Variants in PCDHA4 observed in about 807,000 individuals in gnomAD.
PCDHA4 encodes protocadherin alpha 4.
A neutral mutation model predicts 61.4 loss-of-function variants in PCDHA4; 49 were observed. That is an observed-to-expected ratio of 0.80 (90% CI 0.63 to 1.01). The LOEUF is 1.01. Ranked by LOEUF, PCDHA4 falls within the 50% of genes least tolerant of loss-of-function variation. The pLI is 0.00. For synonymous variants in PCDHA4, 590 were observed against 550.3 expected (o/e 1.07, Z -1.01); for missense variants, 1,254 against 1,235.8 (o/e 1.01, Z -0.22).
intron 1 of PCDHA4, chr5:140,830,035 G>T (rs2150180061): frequency 1.2e-6 from 2 of 1,613,880 alleles, no homozygotes; most frequent in South Asian, 2.2e-5. Flanking sequence ...ACCGGCTGCT[G>T]GTGCTGGTGA....
At chr5:140,917,238 G>A (rs144302098) in intron 1 of PCDHA4, among the ~76,000 whole-genome samples, 1 of 150,440 alleles carries the variant, frequency 6.6e-6, no homozygotes, top group Non-Finnish European at 1.5e-5. Flanking sequence ...TTAAATCTAG[G>A]TACTACGATT....
Position 140,809,517 on chromosome 5 carries a change from C to T in PCDHA4, c.2330C>T (p.Pro777Leu). The change falls in exon 1 of 4, where the codon CCT becomes CTT. Residue 777 changes from proline to leucine, a missense_variant. Pro to Leu is a moderately conservative substitution (Grantham distance 98, BLOSUM62 -3). Coordinates refer to ENST00000530339, the MANE Select transcript of PCDHA4 (RefSeq NM_018907.4). Reference protein sequence around the residue: ...TDLMAFSPSLPDSRDREDQLQ... With the variant: ...TDLMAFSPSLLDSRDREDQLQ... ...CTCATGGCCTTCAGCCCCAGTTTAC[C>T]TGACTCTAGGGACAGAGAAGATCAG... 1 of 1,614,190 alleles carries T rather than the reference C, an allele frequency of 6.2e-7. No homozygotes were observed. Among genetic ancestry groups the T allele is most frequent in the African/African-American group, 1.3e-5 (1 of 75,070 alleles).
intron 1 of PCDHA4, chr5:140,881,374 G>A: frequency 3.0e-6 from 3 of 984,938 alleles, no homozygotes; most frequent in Non-Finnish European, 3.6e-6. Flanking sequence ...ATGAATTGCA[G>A]CCGGCGGCGG....
Position 140,848,772 on chromosome 5 carries a change from G to A in PCDHA4, c.2385+39200G>A, listed in dbSNP as rs2150420106. ...GTTTGTGAATTCTCGGATCGACCGCGAGGAGCTGTGCGGGCGGAGCGCGGA... is the reference window on the plus strand; with the variant it reads ...GTTTGTGAATTCTCGGATCGACCGCAAGGAGCTGTGCGGGCGGAGCGCGGA... On this transcript the variant is annotated intron_variant, in intron 1 of 3. Coordinates refer to ENST00000530339, the MANE Select transcript of PCDHA4 (RefSeq NM_018907.4). 12 of 1,593,594 alleles carry A rather than the reference G, an allele frequency of 7.5e-6. 2 individuals carry two copies. Among genetic ancestry groups the A allele is most frequent in the Non-Finnish European group, 1.0e-5 (12 of 1,164,190 alleles).
intron 1 of PCDHA4, chr5:140,829,828 G>C: frequency 6.2e-7 from 1 of 1,613,938 alleles, no homozygotes; most frequent in Non-Finnish European, 8.5e-7. Flanking sequence ...CAGTGAGCGA[G>C]CTGGTGCCGC....
chr5:140,976,413 C>T (rs560298731), intron 1 of PCDHA4, among the ~76,000 whole-genome samples: 2 of 151,978 alleles, frequency 1.3e-5, no homozygotes, highest in African/African-American at 4.8e-5. Flanking sequence ...TAGCCAGGTA[C>T]GGTGGCAGAT....
At chr5:140,969,236 G>A (rs782453054) in intron 1 of PCDHA4, 5 of 1,614,052 alleles carry the variant, frequency 3.1e-6, no homozygotes, top group Non-Finnish European at 4.2e-6. Flanking sequence ...GGGAGCCCAA[G>A]CAGCAGTGAC....
In PCDHA4 at chr5:140,847,559, GC is replaced by G. The variant is rs150732093; in HGVS notation, c.2385+37991del. 4.7e-5 allele frequency: 7 copies of G among 149,276 alleles called. No individual in the cohort carries two copies. In the East Asian group the frequency reaches 1.4e-3, roughly 29 times the overall value. The allele number at this position is 149,276 out of a possible 1,614,324, so 9.2% of individuals were successfully genotyped here. A position where few individuals can be genotyped will look rare whatever the true frequency, so the allele number is the denominator to read the frequency against. On this transcript the variant is annotated intron_variant, in intron 1 of 3. Coordinates refer to ENST00000530339, the MANE Select transcript of PCDHA4 (RefSeq NM_018907.4). ...AAGCATAGCTTTAAAAACAGAAATT[GC>G]CCCGAGTACTAAGGATGAGCAATAA...
chr5:140,828,490 C>T (rs1338028540), intron 1 of PCDHA4: 1 of 1,614,054 alleles, frequency 6.2e-7, no homozygotes, highest in Non-Finnish European at 8.5e-7. Context: ...CGCCCTTGTT[C>T]CCGGTAGAGG....
At chr5:140,822,634 G>A (rs2150117957) in intron 1 of PCDHA4, 25 of 1,610,648 alleles carry the variant, frequency 1.6e-5, no homozygotes, top group Non-Finnish European at 2.1e-5. Flanking sequence ...TGTTCTTGAC[G>A]ATGTAAAGTC....
rs199902550 is a variant in PCDHA4 at position 140,965,368 on chromosome 5, A to C, written c.2386-13581A>C. On this transcript the variant is annotated intron_variant, in intron 1 of 3. Transcript: ENST00000530339. ...TTGCCTCTATAGCAGTACAAGAGGAAACTTGGGGACACAGAAGAACAGAAG... is the reference window on the plus strand; with the variant it reads ...TTGCCTCTATAGCAGTACAAGAGGACACTTGGGGACACAGAAGAACAGAAG... 8.5e-5 allele frequency among the ~76,000 whole-genome samples: 13 copies of C among 152,290 alleles called. No homozygotes were observed. The East Asian group carries it at 2.5e-3, about 29-fold the overall frequency.
At chr5:140,816,771 C>T in intron 1 of PCDHA4, 1 of 151,966 alleles carries the variant, frequency 6.6e-6, no homozygotes, top group Admixed American at 6.6e-5. Context: ...GTGTATAATT[C>T]CTAATTAGAG....
At position 140,850,659 on chromosome 5, in the gene PCDHA4, C is replaced by T. The variant is rs2150492526; in HGVS notation, c.2385+41087C>T. On this transcript the variant is annotated intron_variant, in intron 1 of 3. Coordinates refer to ENST00000530339, the MANE Select transcript of PCDHA4 (RefSeq NM_018907.4). ...CACGCTGCTGCTGTACACTGTGCTG[C>T]GGTGCTCGGCGATGCCCACCGAGGG... is the stretch of plus-strand genomic sequence containing the variant. 2.2e-5 allele frequency: 35 copies of T among 1,598,248 alleles called. No homozygotes were observed. The South Asian group carries it at 3.1e-4, about 14-fold the overall frequency.
At chr5:140,809,861 AT>A (rs1764556615) in intron 1 of PCDHA4, 1 of 287,800 alleles carries the variant, frequency 3.5e-6, no homozygotes, top group South Asian at 6.6e-5. Context: ...TTTAGAAAAC[AT>A]TTTACTATTA....
rs2086142013 is a variant in PCDHA4, at chr5:140,929,415, C to T, written c.2386-49534C>T. 11 of 1,504,150 alleles carry T rather than the reference C, an allele frequency of 7.3e-6. 1 individual carries two copies. In the South Asian group the frequency reaches 1.2e-4, roughly 17 times the overall value. 93.2% of individuals were successfully genotyped at this position (1,504,150 alleles called of 1,614,324 possible). A position where few individuals can be genotyped will look rare whatever the true frequency, so the allele number is the denominator to read the frequency against. On this transcript the variant is annotated intron_variant, in intron 1 of 3. Coordinates refer to ENST00000530339, the MANE Select transcript of PCDHA4 (RefSeq NM_018907.4). The stretch of plus-strand genomic sequence containing the variant: ...TATTTCTTAGACAAGCCTTTCACAA[C>T]ATTTCATCAATTGAACTAAACACTC...
At chr5:140,823,589 GGCTTTCGTATGA>G (rs1456644186) in intron 1 of PCDHA4, 1 of 1,613,884 alleles carries the variant, frequency 6.2e-7, no homozygotes, top group Non-Finnish European at 8.5e-7. Flanking sequence ...TACAACGCTT[GGCTTTCGTATGA>G]GCTGCAGCCA....
chr5:140,992,436 G>A (rs782486395), intron 3 of PCDHA4, among the ~76,000 whole-genome samples: 10 of 152,186 alleles, frequency 6.6e-5, no homozygotes, highest in Non-Finnish European at 1.3e-4. Flanking sequence ...TGTTCCAAGA[G>A]TTGGGAGCAG....
chr5:140,856,871 G>T, intron 1 of PCDHA4: 1 of 1,595,048 alleles, frequency 6.3e-7, no homozygotes, highest in Non-Finnish European at 8.6e-7. Flanking sequence ...AATAAACAAG[G>T]AAATGATGTA....
intron 1 of PCDHA4, among the ~76,000 whole-genome samples, chr5:140,840,888 C>T (rs1776926383): frequency 1.3e-5 from 2 of 151,946 alleles, no homozygotes; most frequent in South Asian, 4.2e-4. Flanking sequence ...TTTCTGATAT[C>T]CATGACATAC....
Sources: gnomAD v4.1 joint callset for allele counts (sites outside exome capture counted in the v4.1 genomes callset) on GRCh38, gnomAD v4.1.1 for gene constraint, MANE v1.5 for transcripts, NCBI Gene and HGNC (gene_info 2026-07-23, HGNC 2026-07-21) for gene names.